NLK: variants seen among roughly 807,000 people sequenced by gnomAD.
NLK encodes the protein serine/threonine-protein kinase NLK.
NLK carries 11 observed loss-of-function variants against 59.0 expected under a neutral mutation model. The ratio of observed to expected loss-of-function variants is 0.19; its 90% CI spans 0.12 to 0.31. The LOEUF is 0.31. NLK is among the 10% of genes least tolerant of loss of function. The probability of loss-of-function intolerance (pLI) is 1.00; values close to 1 mark genes in which losing one functional copy is unlikely to be tolerated. For missense variants in NLK, 410 were observed against 661.1 expected (o/e 0.62, Z 4.16); for synonymous variants, 235 against 235.9 (o/e 1.00, Z 0.03).
At chr17:28,159,705 A>G (rs1048777840) in intron 3 of NLK, among the ~76,000 whole-genome samples, 3 of 152,222 alleles carry the variant, frequency 2.0e-5, no homozygotes, top group Non-Finnish European at 4.4e-5. Flanking sequence ...AAGAATGTAA[A>G]AGGCTTAAAA....
intron 1 of NLK, among the ~76,000 whole-genome samples, chr17:28,087,101 T>C (rs1910544497): frequency 6.6e-6 from 1 of 151,966 alleles, no homozygotes; most frequent in Non-Finnish European, 1.5e-5. Context: ...AAATAATTTT[T>C]ATAAGGATTA....
intron 1 of NLK, among the ~76,000 whole-genome samples, chr17:28,100,086 T>C (rs1470521730): frequency 1.3e-5 from 2 of 152,224 alleles, no homozygotes; most frequent in Admixed American, 6.5e-5. Flanking sequence ...AGTTTTTACA[T>C]AGCTCTTGGG....
intron 1 of NLK, among the ~76,000 whole-genome samples, chr17:28,053,578 G>A (rs1203641529): frequency 6.6e-6 from 1 of 152,146 alleles, no homozygotes; most frequent in Non-Finnish European, 1.5e-5. Flanking sequence ...GCTCAGTAGT[G>A]TCAGGCAGCA....
At chr17:28,200,181 A>G (rs779459137), downstream of NLK, among the ~76,000 whole-genome samples, 5 of 152,164 alleles carry the variant, frequency 3.3e-5, no homozygotes, top group Admixed American at 6.5e-5. Context: ...CAGTTTATCA[A>G]TCGTTTTCTT....
At chr17:28,164,165 T>A (rs1415152917) in intron 5 of NLK, among the ~76,000 whole-genome samples, 1 of 151,016 alleles carries the variant, frequency 6.6e-6, no homozygotes, top group African/African-American at 2.4e-5. Context: ...AGCCCAGGAG[T>A]TCAAGACCAG....
chr17:28,048,437 G>A (rs1405137412), intron 1 of NLK: 2 of 152,072 alleles, frequency 1.3e-5, no homozygotes, highest in African/African-American at 4.8e-5. Context: ...TTTCAAGCAA[G>A]TTAGAACAAT....
At chr17:28,059,386 A>G (rs897776049) in intron 1 of NLK, among the ~76,000 whole-genome samples, 8 of 152,140 alleles carry the variant, frequency 5.3e-5, no homozygotes, top group African/African-American at 1.9e-4. Flanking sequence ...TTTTGAAAAG[A>G]AATAGTCCTT....
At chr17:28,139,214 A>G (rs1906884121) in intron 3 of NLK, among the ~76,000 whole-genome samples, 1 of 152,190 alleles carries the variant, frequency 6.6e-6, no homozygotes, top group Admixed American at 6.5e-5. Flanking sequence ...GTGCCACTGC[A>G]CTTCAGCCTG....
chr17:28,202,904 G>A, the NLK span, among the ~76,000 whole-genome samples: 2 of 149,988 alleles, frequency 1.3e-5, no homozygotes, highest in Non-Finnish European at 3.0e-5. Context: ...GGCTGGTCTC[G>A]AACTCCTGAC....
At chr17:28,161,311 G>T in intron 4 of NLK, 45 bp downstream of exon 4, 1 of 1,038,598 alleles carries the variant, frequency 9.6e-7, no homozygotes, top group South Asian at 1.3e-5. Flanking sequence ...CACTGTAAAT[G>T]AAATGTTTTG....
chr17:28,159,984 T>C (rs1008634443), intron 3 of NLK, among the ~76,000 whole-genome samples: 2 of 152,202 alleles, frequency 1.3e-5, no homozygotes, highest in Middle Eastern at 3.2e-3. Flanking sequence ...TTGGACAGTT[T>C]TGGACTTGTT....
chr17:28,123,105 A>T lies in NLK; in HGVS notation c.588+373A>T, dbSNP rs149851800. On this transcript the variant is annotated intron_variant, in intron 2 of 10. Transcript: ENST00000407008. ...TAGACTCACCTGGGGAGTCCATTTT[A>T]TCAGCATTTTATTTGAAGGTTTGAA... Among the ~76,000 whole-genome samples, 569 of 152,252 alleles carry T rather than the reference A, an allele frequency of 3.7e-3. 18 individuals carry two copies. The highest frequency in any genetic ancestry group is 0.036 in the Admixed American group (545 of 15,294).
chr17:28,152,258 A>G (rs1026401537), intron 3 of NLK, among the ~76,000 whole-genome samples: 7 of 152,168 alleles, frequency 4.6e-5, no homozygotes, highest in African/African-American at 1.7e-4. Context: ...AAATGTAGTC[A>G]CTGTTAGAAT....
chr17:28,189,651 C>G (rs1401739221), intron 8 of NLK, among the ~76,000 whole-genome samples: 5 of 152,200 alleles, frequency 3.3e-5, no homozygotes, highest in Non-Finnish European at 7.3e-5. Context: ...GGCACATACA[C>G]TGTCAGCCTA....
At chr17:28,144,109 A>G (rs1203361013) in intron 3 of NLK, among the ~76,000 whole-genome samples, 1 of 152,170 alleles carries the variant, frequency 6.6e-6, no homozygotes, top group Non-Finnish European at 1.5e-5. Flanking sequence ...ATTGACCGCC[A>G]TCTACATACG....
At chr17:28,094,447 C>T (rs996699901) in intron 1 of NLK, among the ~76,000 whole-genome samples, 2 of 152,052 alleles carry the variant, frequency 1.3e-5, no homozygotes, top group African/African-American at 4.8e-5. Context: ...TTTTGCTGAC[C>T]GAGTTCAAAG....
chr17:28,119,576 A>AT (rs1035515911), intron 1 of NLK, among the ~76,000 whole-genome samples: 1 of 152,156 alleles, frequency 6.6e-6, no homozygotes, highest in Non-Finnish European at 1.5e-5. Context: ...AAAAACTAAT[A>AT]TTTATTGTGC....
the NLK span, among the ~76,000 whole-genome samples, chr17:28,202,517 C>CT: frequency 9.7e-4 from 147 of 151,872 alleles, 1 homozygote; most frequent in Admixed American, 2.9e-3. Flanking sequence ...ATTTTTACAT[C>CT]TGTGTTCATG....
chr17:28,080,480 A>G (rs1910308147), intron 1 of NLK, among the ~76,000 whole-genome samples: 1 of 152,162 alleles, frequency 6.6e-6, no homozygotes, highest in Admixed American at 6.5e-5. Flanking sequence ...CCTTACCCCC[A>G]AAGACTAGGA....
Sources: allele counts gnomAD v4.1 joint callset (sites outside exome capture counted in the v4.1 genomes callset), GRCh38; gene constraint gnomAD v4.1.1; transcripts MANE v1.5; gene names NCBI Gene and HGNC (gene_info 2026-07-23, HGNC 2026-07-21).